Variants in SYT16 observed in about 807,000 individuals in gnomAD.
SYT16 encodes the protein synaptotagmin 16.
In SYT16, 42 loss-of-function variants were observed where a neutral mutation model predicts 61.4. That is an observed-to-expected ratio of 0.68 (90% CI 0.53 to 0.89). The LOEUF is 0.89. Among genes scored for constraint, SYT16 ranks in the 40% least tolerant of loss-of-function variants. The pLI, the probability that SYT16 is intolerant of heterozygous loss-of-function variation, is 0.00. For synonymous variants in SYT16, 314 were observed against 302.3 expected, an observed-to-expected ratio of 1.04 and a Z score of -0.40; for missense variants, 804 against 807.3, an observed-to-expected ratio of 1.00 and a Z score of 0.05.
intron 3 of SYT16, among the ~76,000 whole-genome samples, chr14:62,039,516 A>T (rs1388259130): frequency 6.6e-6 from 1 of 152,222 alleles, no homozygotes; most frequent in African/African-American, 2.4e-5. Context: ...GAAATAAGAC[A>T]TTAAATGAAT....
rs895292285 is a variant in SYT16 at position 62,107,862 on chromosome 14, A to G, written c.*7155A>G. Reference sequence around the variant, plus strand: ...AGGATATTTAGTATTCTTGACTTTTATAATTAAATACTGAATGCCCTTTGC... The same window carrying G: ...AGGATATTTAGTATTCTTGACTTTTGTAATTAAATACTGAATGCCCTTTGC... On this transcript the variant is annotated 3_prime_UTR_variant, in exon 8 of 8. Coordinates refer to ENST00000683842, the MANE Select transcript of SYT16 (RefSeq NM_001367656.1). The G allele has an allele frequency of 2.0e-5, 3 of 152,228 alleles. No homozygotes were observed. Among genetic ancestry groups the G allele is most frequent in the Non-Finnish European group, 4.4e-5 (3 of 68,036 alleles). 9.4% of individuals were successfully genotyped at this position (152,228 alleles called of 1,614,324 possible). A position where few individuals can be genotyped will look rare whatever the true frequency, so the allele number is the denominator to read the frequency against.
chr14:61,836,853 G>A (rs542489399), intron 1 of SYT16, among the ~76,000 whole-genome samples: 28 of 151,958 alleles, frequency 1.8e-4, no homozygotes, highest in Admixed American at 2.0e-4. Flanking sequence ...GAATTTTTTT[G>A]TGTGGCCTTA....
At chr14:62,008,613 C>T (rs2053317938) in intron 3 of SYT16, among the ~76,000 whole-genome samples, 1 of 148,742 alleles carries the variant, frequency 6.7e-6, no homozygotes, top group Non-Finnish European at 1.5e-5. Context: ...ATTATGATTC[C>T]CATTGTGTTT....
At position 61,823,975 on chromosome 14, in the gene SYT16, T is replaced by G. The variant is rs1351490718; in HGVS notation, c.-325+11165T>G. Among the ~76,000 whole-genome samples, 3 of 152,246 alleles carry G rather than the reference T, an allele frequency of 2.0e-5. No individual in the cohort carries two copies. In the East Asian group the frequency reaches 5.8e-4, roughly 29 times the overall value. On this transcript the variant is annotated intron_variant, in intron 1 of 7. Transcript: ENST00000683842. Reference sequence around the variant, plus strand: ...TTGAAACTCTGAACACTATTTGTAATCAACTTAAGACTATCCCACTCTTTA... The same window carrying G: ...TTGAAACTCTGAACACTATTTGTAAGCAACTTAAGACTATCCCACTCTTTA...
At chr14:61,850,740 T>C (rs2140270589) in intron 1 of SYT16, among the ~76,000 whole-genome samples, 1 of 152,324 alleles carries the variant, frequency 6.6e-6, no homozygotes, top group Non-Finnish European at 1.5e-5. Flanking sequence ...TTTGCCCTAT[T>C]ATGTGTTGGT....
chr14:62,100,485 C>T lies in SYT16; in HGVS notation c.1716C>T (p.Val572=). 6.2e-7 allele frequency: 1 copy of T among 1,613,592 alleles called. No homozygotes were observed. Among genetic ancestry groups the T allele is most frequent in the South Asian group, 1.1e-5 (1 of 91,016 alleles). ...TTCGGCGTGGTCAGCCCAATCCTGT[C>T]TATAAGGAGACCTTTGTTTTCCAGG... ...TSIRRGQPNP[V]YKETFVFQVA... Residue 572 remains valine (V), a synonymous_variant, in exon 8 of 8, where the codon GTC becomes GTT. Coordinates refer to ENST00000683842, the MANE Select transcript of SYT16 (RefSeq NM_001367656.1).
intron 2 of SYT16, among the ~76,000 whole-genome samples, chr14:61,990,999 A>G (rs562368591): frequency 1.3e-5 from 2 of 152,222 alleles, no homozygotes; most frequent in Non-Finnish European, 2.9e-5. Context: ...CAAGATTTTA[A>G]AAAAGTAGCC....
At chr14:62,022,919 ACATCTCTATTTAAATATTCAT>A (rs2053967648) in intron 3 of SYT16, among the ~76,000 whole-genome samples, 2 of 152,266 alleles carry the variant, frequency 1.3e-5, no homozygotes, top group East Asian at 3.9e-4. Flanking sequence ...AACAGATTCT[ACATCTCTATTTAAATATTCAT>A]GCTTAAAAAA....
chr14:61,897,452 G>A (rs1329453305), intron 1 of SYT16: 1 of 152,180 alleles, frequency 6.6e-6, no homozygotes, highest in Admixed American at 6.5e-5. Context: ...TGCTGTGTCA[G>A]CTCCACCCCT....
rs537958923 is a variant in SYT16, at chr14:62,103,410, C to G, written c.*2703C>G. On this transcript the variant is annotated 3_prime_UTR_variant, in exon 8 of 8. Transcript: ENST00000683842. ...TTGAGTAGGTCTTTCAGCGATTTTGCCTGAAGAGCATGCTTTTAAAATAAT... is the reference window on the plus strand; with the variant it reads ...TTGAGTAGGTCTTTCAGCGATTTTGGCTGAAGAGCATGCTTTTAAAATAAT... 1 of 152,230 alleles carries G rather than the reference C, an allele frequency of 6.6e-6. No individual in the cohort carries two copies. Among genetic ancestry groups the G allele is most frequent in the East Asian group, 1.9e-4 (1 of 5,186 alleles). The allele number at this position is 152,230 out of a possible 1,614,324, so 9.4% of individuals were successfully genotyped here. A position where few individuals can be genotyped will look rare whatever the true frequency, so the allele number is the denominator to read the frequency against.
At chr14:61,978,344 T>A (rs1269236903) in intron 2 of SYT16, among the ~76,000 whole-genome samples, 1 of 152,188 alleles carries the variant, frequency 6.6e-6, no homozygotes. Context: ...CCAGCACTGG[T>A]ATTCCACACT....
chr14:61,907,929 A>T (rs1413944384), intron 1 of SYT16, among the ~76,000 whole-genome samples: 1 of 152,190 alleles, frequency 6.6e-6, no homozygotes, highest in Non-Finnish European at 1.5e-5. Flanking sequence ...GTGCCACAGG[A>T]TCTTTAGGAC....
intron 6 of SYT16, among the ~76,000 whole-genome samples, chr14:62,081,622 G>T (rs2140975473): frequency 6.6e-6 from 1 of 152,328 alleles, no homozygotes; most frequent in East Asian, 1.9e-4. Context: ...GAATCTCAGA[G>T]ATGGGACTTT....
intron 1 of SYT16, among the ~76,000 whole-genome samples, chr14:61,960,364 T>C (rs895399243): frequency 1.3e-5 from 2 of 152,230 alleles, no homozygotes; most frequent in Non-Finnish European, 2.9e-5. Flanking sequence ...GTTTGTGTCA[T>C]CTCTAATTTC....
At chr14:61,850,008 A>G (rs1184212876) in intron 1 of SYT16, among the ~76,000 whole-genome samples, 6 of 152,160 alleles carry the variant, frequency 3.9e-5, no homozygotes, top group South Asian at 2.1e-4. Flanking sequence ...CCCACCAACA[A>G]TATGAGTTTT....
chr14:61,930,266 C>A (rs774873060), intron 1 of SYT16, among the ~76,000 whole-genome samples: 3 of 152,118 alleles, frequency 2.0e-5, no homozygotes, highest in Non-Finnish European at 4.4e-5. Flanking sequence ...AGTCCTCCCT[C>A]CAGACCACCT....
rs1477421560 is a variant in SYT16 at position 62,075,211 on chromosome 14, A to G, written c.813A>G (p.Ser271=). 2 of 1,613,572 alleles carry G rather than the reference A, an allele frequency of 1.2e-6. No individual in the cohort carries two copies. The highest frequency in any genetic ancestry group is 2.2e-5 in the South Asian group (2 of 91,026). ...YGEDDHIPAH[S]QSPCERGDAK... Reference sequence around the variant, plus strand: ...AAGATGACCACATCCCTGCTCACTCACAGTCCCCATGTGAAAGAGGGGATG... The same window carrying G: ...AAGATGACCACATCCCTGCTCACTCGCAGTCCCCATGTGAAAGAGGGGATG... Residue 271 remains serine, a synonymous_variant, in exon 5 of 8, where the codon TCA becomes TCG. Transcript: ENST00000683842.
rs1396255086 is a variant in SYT16 at position 62,080,931 on chromosome 14, G to A, written c.1091G>A (p.Ser364Asn). The change falls in exon 6 of 8, where the codon AGC (serine) becomes AAC (asparagine). Residue 364 changes from serine to asparagine, a missense_variant. Physicochemically the swap from Ser to Asn is conservative, Grantham distance 46. Coordinates refer to ENST00000683842, the MANE Select transcript of SYT16 (RefSeq NM_001367656.1). Reference sequence around the variant, plus strand: ...GTCATCTTTGAATATAGAGCCGCCAGCCAGAAGCTCACAGTGACCATTGTG... The same window carrying A: ...GTCATCTTTGAATATAGAGCCGCCAACCAGAAGCTCACAGTGACCATTGTG... ...LDVIFEYRAA[S>N]QKLTVTIVRA... 1.2e-6 allele frequency: 2 copies of A among 1,610,168 alleles called. No individual in the cohort carries two copies. Among genetic ancestry groups the A allele is most frequent in the Admixed American group, 1.7e-5 (1 of 59,508 alleles).
In SYT16 at chr14:62,102,843, C is replaced by T. The variant is rs192866060; in HGVS notation, c.*2136C>T. On this transcript the variant is annotated 3_prime_UTR_variant, in exon 8 of 8. Coordinates refer to ENST00000683842, the MANE Select transcript of SYT16 (RefSeq NM_001367656.1). ...TCACCTATACTTCATTTTCTGTTCC[C>T]AAGACCCACCCATTTTTAAGGTTTT... 2 of 152,204 alleles carry T rather than the reference C, an allele frequency of 1.3e-5. No homozygotes were observed. The highest frequency in any genetic ancestry group is 3.9e-4 in the East Asian group (2 of 5,188). The allele number at this position is 152,204 out of a possible 1,614,324, so 9.4% of individuals were successfully genotyped here. A position where few individuals can be genotyped will look rare whatever the true frequency, so the allele number is the denominator to read the frequency against.
Sources: gnomAD v4.1 joint callset for allele counts (sites outside exome capture counted in the v4.1 genomes callset) on GRCh38, gnomAD v4.1.1 for gene constraint, MANE v1.5 for transcripts, NCBI Gene and HGNC (gene_info 2026-07-23, HGNC 2026-07-21) for gene names.